ZNF385D: variants seen among roughly 807,000 people sequenced by gnomAD.
ZNF385D encodes the protein zinc finger protein 385D, also known as zinc finger protein 659.
Under a neutral mutation model 35.8 loss-of-function variants are expected in ZNF385D, and 15 were observed. The observed-to-expected ratio is 0.42, with a 90% confidence interval of 0.28 to 0.64. ZNF385D has a LOEUF of 0.64. Ranked by LOEUF, ZNF385D falls within the 30% of genes least tolerant of loss-of-function variation. The pLI, the probability that ZNF385D is intolerant of heterozygous loss-of-function variation, is 0.23. For missense variants in ZNF385D, 474 were observed against 494.6 expected (o/e 0.96, Z 0.39); for synonymous variants, 212 against 186.8 (o/e 1.13, Z -1.10).
chr3:22,074,857 A>T (rs1373869904), intron 3 of ZNF385D, among the ~76,000 whole-genome samples: 1 of 151,870 alleles, frequency 6.6e-6, no homozygotes, highest in Non-Finnish European at 1.5e-5. Context: ...TCCCTTTCAC[A>T]TCTTCATGTG....
chr3:21,930,898 G>C (rs1700973165), intron 3 of ZNF385D, among the ~76,000 whole-genome samples: 1 of 152,114 alleles, frequency 6.6e-6, no homozygotes, highest in African/African-American at 2.4e-5. Context: ...AAGACCTTGG[G>C]TTACACAAAG....
chr3:21,490,288 C>T (rs1026678903), intron 4 of ZNF385D, among the ~76,000 whole-genome samples: 1 of 152,170 alleles, frequency 6.6e-6, no homozygotes, highest in African/African-American at 2.4e-5. Context: ...ACCTCAGCCT[C>T]CTGAGTAGTT....
Position 21,646,169 on chromosome 3 carries a change from A to T in ZNF385D, c.165+18717T>A, listed in dbSNP as rs1002386216. Reference sequence around the variant, plus strand: ...CTATTTTTCATTTTAAAAGTTAAGGAAGGGAGATGTATAATTTTTAGGGTG... The same window carrying T: ...CTATTTTTCATTTTAAAAGTTAAGGTAGGGAGATGTATAATTTTTAGGGTG... On this transcript the variant is annotated intron_variant, in intron 2 of 7. Coordinates refer to ENST00000281523, the MANE Select transcript of ZNF385D (RefSeq NM_024697.3). This position sits in a 1 kb window ranked among gnomAD's most constrained non-coding sequence, Gnocchi z 4.3. 6.6e-6 allele frequency among the ~76,000 whole-genome samples: 1 copy of T among 152,168 alleles called. No homozygotes were observed. The highest frequency in any genetic ancestry group is 2.4e-5 in the African/African-American group (1 of 41,442).
At chr3:21,762,649 A>C (rs2070669247) in intron 3 of ZNF385D, among the ~76,000 whole-genome samples, 1 of 152,166 alleles carries the variant, frequency 6.6e-6, no homozygotes, top group South Asian at 2.1e-4. Context: ...TACACTGTCC[A>C]GATCTCTCTA....
intron 3 of ZNF385D, among the ~76,000 whole-genome samples, chr3:21,935,432 T>C (rs534770198): frequency 3.3e-5 from 5 of 152,198 alleles, no homozygotes; most frequent in South Asian, 2.1e-4. Context: ...AATTGGGACA[T>C]AGATATAAAG....
intron 3 of ZNF385D, among the ~76,000 whole-genome samples, chr3:21,909,618 G>A (rs1411575767): frequency 6.6e-6 from 1 of 152,018 alleles, no homozygotes; most frequent in Non-Finnish European, 1.5e-5. Flanking sequence ...TGAATGGATT[G>A]TTGCAAAGTC....
intron 2 of ZNF385D, among the ~76,000 whole-genome samples, chr3:22,277,700 G>C (rs916257927): frequency 6.6e-6 from 1 of 152,082 alleles, no homozygotes; most frequent in Non-Finnish European, 1.5e-5. Flanking sequence ...ATTATTAGAA[G>C]ATATGAAGGA....
chr3:22,236,961 T>C (rs999795602), intron 2 of ZNF385D, among the ~76,000 whole-genome samples: 7 of 152,216 alleles, frequency 4.6e-5, no homozygotes, highest in African/African-American at 1.7e-4. Context: ...TGTTTCCACC[T>C]TTTGGTCATA....
intron 2 of ZNF385D, among the ~76,000 whole-genome samples, chr3:22,284,177 T>TG (rs1701908037): frequency 1.3e-5 from 2 of 151,214 alleles, no homozygotes; most frequent in Admixed American, 6.6e-5. Context: ...AACACAGGAT[T>TG]TTTGTTTGTT....
chr3:21,787,679 G>A (rs1323083334), intron 3 of ZNF385D, among the ~76,000 whole-genome samples: 2 of 152,050 alleles, frequency 1.3e-5, no homozygotes, highest in African/African-American at 4.8e-5. Context: ...TCATTAACAT[G>A]CCATTCTTAA....
chr3:21,624,946 A>G (rs1008680957), intron 2 of ZNF385D, among the ~76,000 whole-genome samples: 1 of 152,054 alleles, frequency 6.6e-6, no homozygotes, highest in Non-Finnish European at 1.5e-5. Flanking sequence ...AGGCTTTAAA[A>G]GGAGGGATAA....
intron 2 of ZNF385D, among the ~76,000 whole-genome samples, chr3:22,299,537 C>T (rs1702782902): frequency 1.3e-5 from 2 of 151,706 alleles, no homozygotes; most frequent in Admixed American, 1.3e-4. Flanking sequence ...TAAGAAGTTC[C>T]TGTTTGTGAA....
At chr3:22,104,585 C>T (rs1184615055) in intron 3 of ZNF385D, among the ~76,000 whole-genome samples, 1 of 151,944 alleles carries the variant, frequency 6.6e-6, no homozygotes, top group African/African-American at 2.4e-5. Flanking sequence ...TTCAATTCTT[C>T]ATTTTTTAGA....
At chr3:21,821,307 T>C (rs896221708) in intron 3 of ZNF385D, among the ~76,000 whole-genome samples, 3 of 152,230 alleles carry the variant, frequency 2.0e-5, no homozygotes, top group Admixed American at 1.3e-4. Context: ...CATAAATAAA[T>C]TGTCCTTATC....
At chr3:21,570,355 T>G (rs1230422234) in intron 2 of ZNF385D, among the ~76,000 whole-genome samples, 1 of 152,190 alleles carries the variant, frequency 6.6e-6, no homozygotes, top group Non-Finnish European at 1.5e-5. Context: ...GGGGACATGC[T>G]TCAAGTACAG....
intron 3 of ZNF385D, among the ~76,000 whole-genome samples, chr3:22,162,682 A>C (rs1706041352): frequency 2.0e-5 from 3 of 152,198 alleles, no homozygotes; most frequent in Admixed American, 2.0e-4. Flanking sequence ...ATAAGGTATA[A>C]ACTTCAACCA....
At chr3:21,604,065 T>A (rs1437740411) in intron 2 of ZNF385D, among the ~76,000 whole-genome samples, 1 of 152,204 alleles carries the variant, frequency 6.6e-6, no homozygotes, top group Non-Finnish European at 1.5e-5. Context: ...CAAGCAGAAC[T>A]GCTGCTTTGG....
chr3:21,709,555 T>G (rs1329785955), intron 1 of ZNF385D, among the ~76,000 whole-genome samples: 1 of 152,138 alleles, frequency 6.6e-6, no homozygotes, highest in African/African-American at 2.4e-5. Context: ...TCTTAAAGCA[T>G]CAATTTCCCA....
chr3:21,734,278 A>G (rs2069143290), intron 1 of ZNF385D, among the ~76,000 whole-genome samples: 1 of 70,002 alleles, frequency 1.4e-5, no homozygotes, highest in Non-Finnish European at 3.2e-5. Flanking sequence ...AACCCAGAAC[A>G]CTCAGGGTTT....
Sources: gnomAD v4.1 joint callset for allele counts (sites outside exome capture counted in the v4.1 genomes callset) on GRCh38, gnomAD v4.1.1 for gene constraint, Gnocchi (gnomAD v3.1) non-coding constraint, MANE v1.5 for transcripts, NCBI Gene and HGNC (gene_info 2026-07-23, HGNC 2026-07-21) for gene names.